ROBO1: variants seen among roughly 807,000 people sequenced by gnomAD.
ROBO1 encodes roundabout guidance receptor 1.
A neutral mutation model predicts 195.9 loss-of-function variants in ROBO1; 149 were observed. The observed-to-expected ratio is 0.76, with a 90% confidence interval of 0.67 to 0.87. ROBO1 has a LOEUF of 0.87. ROBO1 is among the 40% of genes least tolerant of loss of function. The pLI is 0.00. For missense variants in ROBO1, 1,933 were observed against 2,068.3 expected (o/e 0.93, Z 1.27); for synonymous variants, 816 against 733.2 (o/e 1.11, Z -1.82).
At chr3:79,534,544 A>G (rs544756273) in intron 2 of ROBO1, among the ~76,000 whole-genome samples, 2 of 152,258 alleles carry the variant, frequency 1.3e-5, no homozygotes, top group African/African-American at 4.8e-5. Flanking sequence ...AATCTCTGTA[A>G]CGCTGTTTTA....
At chr3:79,592,308 C>T (rs1944021031) in intron 1 of ROBO1, among the ~76,000 whole-genome samples, 1 of 151,818 alleles carries the variant, frequency 6.6e-6, no homozygotes, top group African/African-American at 2.4e-5. Flanking sequence ...TTATATTATT[C>T]AACAGGCAGA....
intron 2 of ROBO1, among the ~76,000 whole-genome samples, chr3:79,219,524 C>T (rs1372273912): frequency 1.4e-4 from 22 of 152,062 alleles, no homozygotes; most frequent in Non-Finnish European, 1.8e-4. Context: ...ACCCGTAAAC[C>T]TCTCCTGGGA....
At chr3:79,679,642 T>C (rs1261249264) in intron 1 of ROBO1, among the ~76,000 whole-genome samples, 1 of 152,084 alleles carries the variant, frequency 6.6e-6, no homozygotes, top group Non-Finnish European at 1.5e-5. Flanking sequence ...AATCATCTTT[T>C]GAATTTCAGT....
chr3:79,627,171 G>A (rs1021746764), intron 1 of ROBO1, among the ~76,000 whole-genome samples: 1 of 151,856 alleles, frequency 6.6e-6, no homozygotes, highest in Admixed American at 6.6e-5. Context: ...ATATGTAATC[G>A]AAGAAGACCC....
At chr3:79,304,452 A>C (rs903808496) in intron 2 of ROBO1, among the ~76,000 whole-genome samples, 1 of 152,204 alleles carries the variant, frequency 6.6e-6, no homozygotes, top group African/African-American at 2.4e-5. Flanking sequence ...CCCCACGATC[A>C]TCAAGATAAT....
chr3:79,285,359 T>C (rs956789442), intron 2 of ROBO1, among the ~76,000 whole-genome samples: 4 of 152,218 alleles, frequency 2.6e-5, no homozygotes, highest in African/African-American at 9.6e-5. Flanking sequence ...TATATAATTG[T>C]AAGCTCCCAA....
At chr3:79,567,607 T>C (rs186131278) in intron 2 of ROBO1, among the ~76,000 whole-genome samples, 1 of 152,278 alleles carries the variant, frequency 6.6e-6, no homozygotes, top group East Asian at 1.9e-4. Context: ...TTACATATTA[T>C]ACCTCTTTTC....
chr3:79,651,784 C>T (rs781609561), intron 1 of ROBO1, among the ~76,000 whole-genome samples: 6 of 152,116 alleles, frequency 3.9e-5, no homozygotes, highest in Non-Finnish European at 7.4e-5. Context: ...ATTCCACTTA[C>T]ATTCTTCTTC....
Position 79,355,567 on chromosome 3 carries a change from T to C in ROBO1, c.89-230028A>G, listed in dbSNP as rs1033094387. 3.3e-5 allele frequency among the ~76,000 whole-genome samples: 5 copies of C among 152,158 alleles called. No individual in the cohort carries two copies. In the East Asian group the frequency reaches 5.8e-4, roughly 18 times the overall value. ...CCAATCTGTCACTATTCCTCCCTCC[T>C]ACCTCCTCTCCCCGTCCTCTGGTAA... On this transcript the variant is annotated intron_variant, in intron 2 of 30. Transcript: ENST00000464233.
intron 2 of ROBO1, among the ~76,000 whole-genome samples, chr3:79,487,865 T>G (rs748307738): frequency 1.3e-5 from 2 of 152,182 alleles, no homozygotes; most frequent in Non-Finnish European, 2.9e-5. Flanking sequence ...ATTATTTATA[T>G]TTTTTCCCTA....
chr3:79,418,706 G>A lies in ROBO1; in HGVS notation c.88+171118C>T, dbSNP rs567069651. Among the ~76,000 whole-genome samples the A allele has an allele frequency of 8.5e-5, 13 of 152,114 alleles. No individual in the cohort carries two copies. In the East Asian group the frequency reaches 1.7e-3, roughly 20 times the overall value. ...GAGAAAGATAGATACATACATAGAC[G>A]GATAGATGAATTGGAACACTGTGTT... On this transcript the variant is annotated intron_variant, in intron 2 of 30. Coordinates refer to ENST00000464233, the MANE Select transcript of ROBO1 (RefSeq NM_002941.4).
At chr3:78,718,596 G>T (rs188670546) in intron 5 of ROBO1, among the ~76,000 whole-genome samples, 1 of 151,780 alleles carries the variant, frequency 6.6e-6, no homozygotes, top group South Asian at 2.1e-4. Flanking sequence ...ATAAGAAGTC[G>T]ACTGAAACTA....
chr3:79,670,070 G>A (rs1309559133), intron 1 of ROBO1, among the ~76,000 whole-genome samples: 1 of 151,782 alleles, frequency 6.6e-6, no homozygotes, highest in Non-Finnish European at 1.5e-5. Context: ...ACTGAAGTAA[G>A]CAAGCAAATT....
Position 78,684,614 on chromosome 3 carries a change from A to T in ROBO1, c.1342+1132T>A, listed in dbSNP as rs908936498. ...GTAATTTGGGGAGAAGACCAGAAAC[A>T]GGATGGAATTAGTAGGCTGTTACAA... On this transcript the variant is annotated intron_variant, in intron 10 of 30. Coordinates refer to ENST00000464233, the MANE Select transcript of ROBO1 (RefSeq NM_002941.4). 2.6e-5 allele frequency among the ~76,000 whole-genome samples: 4 copies of T among 152,120 alleles called. No individual in the cohort carries two copies. In the East Asian group the frequency reaches 7.7e-4, roughly 29 times the overall value.
chr3:79,073,228 C>T (rs555139976), intron 3 of ROBO1, among the ~76,000 whole-genome samples: 5 of 152,026 alleles, frequency 3.3e-5, no homozygotes, highest in Admixed American at 1.3e-4. Flanking sequence ...ATATTCTTAG[C>T]GTCTCCCATT....
rs893437735 is a variant in ROBO1 at position 79,759,937 on chromosome 3, T to C, written c.-51+7815A>G. Reference sequence around the variant, plus strand: ...TTCCAGGTAGATCAAAAGACCTGAATGTAAAAAGCAAAACTGAGGCGGGGA... The same window carrying C: ...TTCCAGGTAGATCAAAAGACCTGAACGTAAAAAGCAAAACTGAGGCGGGGA... On this transcript the variant is annotated intron_variant, in intron 1 of 30. Coordinates refer to ENST00000464233, the MANE Select transcript of ROBO1 (RefSeq NM_002941.4). Among the ~76,000 whole-genome samples, 7 of 152,128 alleles carry C rather than the reference T, an allele frequency of 4.6e-5. No individual in the cohort carries two copies. The East Asian group carries it at 1.2e-3, about 25-fold the overall frequency.
chr3:78,663,706 A>G (rs778346722), intron 14 of ROBO1, among the ~76,000 whole-genome samples: 2 of 152,202 alleles, frequency 1.3e-5, no homozygotes, highest in Non-Finnish European at 2.9e-5. Context: ...TCTTGTGGTA[A>G]GACATAAAAA....
chr3:79,612,061 G>T lies in ROBO1; in HGVS notation c.-50-22100C>A, dbSNP rs1944676256. Among the ~76,000 whole-genome samples the T allele has an allele frequency of 2.0e-5, 3 of 150,954 alleles. No individual in the cohort carries two copies. In the South Asian group the frequency reaches 6.3e-4, roughly 32 times the overall value. ...ATTTTTTTATACTTTTAAGTTATAG[G>T]GTACATGTGCACATTGTGCAGGTTA... On this transcript the variant is annotated intron_variant, in intron 1 of 30. Coordinates refer to ENST00000464233, the MANE Select transcript of ROBO1 (RefSeq NM_002941.4).
At chr3:78,694,152 G>C (rs915958343) in intron 8 of ROBO1, among the ~76,000 whole-genome samples, 54 of 152,110 alleles carry the variant, frequency 3.6e-4, no homozygotes, top group African/African-American at 1.3e-3. Flanking sequence ...GAAACATTAG[G>C]CATCTTAATA....
Sources: allele counts gnomAD v4.1 joint callset (sites outside exome capture counted in the v4.1 genomes callset), GRCh38; gene constraint gnomAD v4.1.1; transcripts MANE v1.5; gene names NCBI Gene and HGNC (gene_info 2026-07-23, HGNC 2026-07-21).